Variants in TEX9 observed in about 807,000 individuals in gnomAD.
TEX9 encodes testis expressed 9, also known as testis-expressed protein 9.
TEX9 carries 74 observed loss-of-function variants against 59.6 expected under a neutral mutation model. The ratio of observed to expected loss-of-function variants is 1.24; its 90% CI spans 1.03 to 1.51. The LOEUF (loss-of-function observed/expected upper bound fraction) is 1.51. Ranked by LOEUF, TEX9 falls within the 40% of genes most tolerant of loss-of-function variation. The pLI, the probability that TEX9 is intolerant of heterozygous loss-of-function variation, is 0.00. For missense variants in TEX9, 522 were observed against 447.8 expected, an observed-to-expected ratio of 1.17 and a Z score of -1.49; for synonymous variants, 186 against 152.2, an observed-to-expected ratio of 1.22 and a Z score of -1.64.
chr15:56,407,520 T>A (rs2049136637), intron 9 of TEX9, among the ~76,000 whole-genome samples: 2 of 152,196 alleles, frequency 1.3e-5, no homozygotes, highest in African/African-American at 2.4e-5. Flanking sequence ...TTATGTTTAT[T>A]ATATTTATAA....
At chr15:56,323,664 A>G (rs2045951249) in intron 1 of TEX9, 1 of 155,460 alleles carries the variant, frequency 6.4e-6, no homozygotes, top group Non-Finnish European at 1.4e-5. Flanking sequence ...CAAGATGAAG[A>G]GGAGGAAGAG....
At chr15:56,249,175 A>T (rs1178266903) in intron 1 of TEX9, 2 of 152,174 alleles carry the variant, frequency 1.3e-5, no homozygotes, top group Non-Finnish European at 2.9e-5. Flanking sequence ...TTTGGGTTTT[A>T]TGCTCCTTAT....
downstream of TEX9, among the ~76,000 whole-genome samples, chr15:56,446,591 G>C (rs543836966): frequency 1.3e-5 from 2 of 151,950 alleles, no homozygotes; most frequent in East Asian, 3.9e-4. Flanking sequence ...ATCAGTTAGA[G>C]ACTATAAAGA....
At chr15:56,412,517 A>C in intron 10 of TEX9, 81 bp downstream of exon 10, 1 of 1,396,468 alleles carries the variant, frequency 7.2e-7, no homozygotes, top group Admixed American at 2.3e-5. Flanking sequence ...ATAATACTTA[A>C]ATTATAATTC....
intron 1 of TEX9, among the ~76,000 whole-genome samples, chr15:56,282,908 T>C (rs1195563093): frequency 1.3e-5 from 2 of 152,128 alleles, no homozygotes. Flanking sequence ...TAAAGTTTAT[T>C]CTGGATAAAG....
Position 56,341,327 on chromosome 15 carries a change from C to A in TEX9, c.-106-32114C>A, listed in dbSNP as rs545742849. Among the ~76,000 whole-genome samples, 4 of 152,312 alleles carry A rather than the reference C, an allele frequency of 2.6e-5. No individual in the cohort carries two copies. The South Asian group carries it at 8.3e-4, about 32-fold the overall frequency. ...AGCGATATTACACAGGCCAGTGCAT[C>A]TCCTTCTAGTAGATCCCATTGCACT... On this transcript the variant is annotated intron_variant, in intron 1 of 5. Coordinates refer to the TEX9 transcript ENST00000560827.
chr15:56,395,054 T>G lies in TEX9; in HGVS notation c.828+220T>G, dbSNP rs2048398473. 5 of 535,076 alleles carry G rather than the reference T, an allele frequency of 9.3e-6. No homozygotes were observed. In the Admixed American group the frequency reaches 1.8e-4, roughly 20 times the overall value. 33.1% of individuals were successfully genotyped at this position (535,076 alleles called of 1,614,324 possible). On this transcript the variant is annotated intron_variant, in intron 9 of 12. Coordinates refer to ENST00000352903, the Ensembl canonical transcript of TEX9. ...GGCTTTTGGTGTATTCATAGAATTGTGCAACTATCACCACAACCATTTTCA... is the reference window on the plus strand; with the variant it reads ...GGCTTTTGGTGTATTCATAGAATTGGGCAACTATCACCACAACCATTTTCA...
intron 1 of TEX9, among the ~76,000 whole-genome samples, chr15:56,309,693 G>GTTTTTTTTTTTTTTTTTTTTTT (rs60648387): frequency 3.3e-5 from 2 of 60,786 alleles, no homozygotes; most frequent in African/African-American, 7.3e-5. Context: ...TTTATGGGAA[G>GTTTTTTTTTTTTTTTTTTTTTT]TTTTTTTTTT....
intron 1 of TEX9, among the ~76,000 whole-genome samples, chr15:56,287,284 T>G (rs1282674140): frequency 6.6e-6 from 1 of 152,172 alleles, no homozygotes; most frequent in African/African-American, 2.4e-5. Context: ...ATCTGAGATT[T>G]AACCCTACTT....
downstream of TEX9, among the ~76,000 whole-genome samples, chr15:56,448,836 C>G (rs1334211244): frequency 6.7e-6 from 1 of 148,660 alleles, no homozygotes; most frequent in Non-Finnish European, 1.5e-5. Flanking sequence ...TCACTGCAAG[C>G]TCCGCCACCC....
intron 1 of TEX9, among the ~76,000 whole-genome samples, chr15:56,255,937 T>C (rs1567063617): frequency 6.6e-6 from 1 of 152,014 alleles, no homozygotes; most frequent in African/African-American, 2.4e-5. Flanking sequence ...CATGAAACAT[T>C]AACTAGCTGC....
chr15:56,377,769 ATGT>A (rs751625730), intron 3 of TEX9, among the ~76,000 whole-genome samples: 10 of 152,110 alleles, frequency 6.6e-5, no homozygotes, highest in Non-Finnish European at 1.3e-4. Flanking sequence ...ATTGAGTACT[ATGT>A]TGAATAACAG....
chr15:56,380,483 T>C (rs919109139), intron 3 of TEX9, among the ~76,000 whole-genome samples: 2 of 152,210 alleles, frequency 1.3e-5, no homozygotes, highest in South Asian at 4.1e-4. Context: ...TCTGTGTTTT[T>C]CTGTATGTTT....
chr15:56,348,224 G>T (rs1022334731), intron 1 of TEX9, among the ~76,000 whole-genome samples: 1 of 151,972 alleles, frequency 6.6e-6, no homozygotes, highest in Non-Finnish European at 1.5e-5. Context: ...TTATATAAAA[G>T]GAGGGGATTA....
intron 2 of TEX9, 175 bp downstream of exon 2, chr15:56,365,845 T>C: frequency 7.0e-7 from 1 of 1,427,340 alleles, no homozygotes; most frequent in Non-Finnish European, 9.1e-7. Flanking sequence ...ATCTGAGTAG[T>C]TCGCCTGCGT....
At chr15:56,304,858 G>A (rs568372104) in intron 1 of TEX9, among the ~76,000 whole-genome samples, 1 of 152,226 alleles carries the variant, frequency 6.6e-6, no homozygotes, top group Admixed American at 6.5e-5. Context: ...GAGTAGCTGA[G>A]ACCACAGGCA....
chr15:56,443,734 T>C (rs751673928), intron 12 of TEX9: 1 of 1,613,282 alleles, frequency 6.2e-7, no homozygotes, highest in Non-Finnish European at 8.5e-7. Flanking sequence ...ACTCTATGAT[T>C]TTTCTGTTTT....
At chr15:56,269,653 CTTTTT>C (rs1309147898) in intron 1 of TEX9, among the ~76,000 whole-genome samples, 2 of 131,372 alleles carry the variant, frequency 1.5e-5, no homozygotes, top group Admixed American at 7.6e-5. Context: ...CTTTTCTTTT[CTTTTT>C]TTTTTTTTTT....
At chr15:56,339,850 A>G (rs2046339219) in intron 1 of TEX9, among the ~76,000 whole-genome samples, 1 of 152,046 alleles carries the variant, frequency 6.6e-6, no homozygotes, top group Non-Finnish European at 1.5e-5. Context: ...ACATAGGGAA[A>G]AGATGACTGT....
Sources: allele counts gnomAD v4.1 joint callset (sites outside exome capture counted in the v4.1 genomes callset), GRCh38; gene constraint gnomAD v4.1.1; transcripts MANE v1.5; gene names NCBI Gene and HGNC (gene_info 2026-07-23, HGNC 2026-07-21).